The following FOCAD variants were observed in gnomAD, a reference collection of about 807,000 sequenced individuals.
FOCAD encodes the protein focadhesin.
Under a neutral mutation model 225.6 loss-of-function variants are expected in FOCAD, and 198 were observed. The ratio of observed to expected loss-of-function variants is 0.88; its 90% CI spans 0.78 to 0.99. The LOEUF (loss-of-function observed/expected upper bound fraction) is 0.99. Among genes scored for constraint, FOCAD ranks in the 50% least tolerant of loss-of-function variants. The pLI is 0.00. For synonymous variants in FOCAD, 897 were observed against 755.0 expected (o/e 1.19, Z -3.08); for missense variants, 2,713 against 2,123.6 (o/e 1.28, Z -5.46).
intron 35 of FOCAD, among the ~76,000 whole-genome samples, chr9:20,966,554 T>C (rs1839274222): frequency 6.6e-6 from 1 of 152,156 alleles, no homozygotes; most frequent in Non-Finnish European, 1.5e-5. Flanking sequence ...CTTTTGTTGC[T>C]CAGGTTTTTA....
chr9:20,683,459 C>T (rs557108966), upstream of FOCAD: 7 of 152,270 alleles, frequency 4.6e-5, no homozygotes, highest in African/African-American at 1.2e-4. Context: ...ACCAGTCTCT[C>T]CTCGTTTTTT....
intron 11 of FOCAD, among the ~76,000 whole-genome samples, chr9:20,818,193 T>A (rs768788299): frequency 2.0e-5 from 3 of 152,184 alleles, no homozygotes; most frequent in Non-Finnish European, 4.4e-5. Flanking sequence ...GAAAGGTGTA[T>A]TCAGATCCTT....
chr9:20,836,606 C>T (rs1826014420), intron 15 of FOCAD, among the ~76,000 whole-genome samples: 1 of 152,022 alleles, frequency 6.6e-6, no homozygotes, highest in African/African-American at 2.4e-5. Flanking sequence ...TTATATACTA[C>T]ACAATGACTC....
intron 6 of FOCAD, among the ~76,000 whole-genome samples, chr9:20,764,549 C>T (rs1357588945): frequency 6.6e-6 from 1 of 152,198 alleles, no homozygotes; most frequent in African/African-American, 2.4e-5. Context: ...GCCTCCGTGC[C>T]CAGCCCAGAT....
At chr9:20,881,154 C>G (rs576105890) in intron 19 of FOCAD, among the ~76,000 whole-genome samples, 15 of 152,226 alleles carry the variant, frequency 9.9e-5, no homozygotes, top group African/African-American at 3.4e-4. Flanking sequence ...TCTGAAAACA[C>G]TTAAATGATA....
Position 20,923,754 on chromosome 9 carries a change from G to A in FOCAD, c.2947G>A (p.Asp983Asn). The A allele has an allele frequency of 1.2e-6, 2 of 1,613,678 alleles. No individual in the cohort carries two copies. Among genetic ancestry groups the A allele is most frequent in the Non-Finnish European group, 1.7e-6 (2 of 1,179,682 alleles). ...RHEASLSSDS[D>N]GLLEVQPNFL... ...TGAAGCCAGCCTCTCCTCAGACTCT[G>A]ACGGGCTCCTGGAGGTTAGTTGGGG... Residue 983 changes from aspartate (D) to asparagine (N), a missense_variant, in exon 25 of 44, where the codon GAC becomes AAC. Asp to Asn is a conservative substitution (Grantham distance 23, BLOSUM62 1). Coordinates refer to ENST00000338382, the MANE Select transcript of FOCAD (RefSeq NM_001375567.1).
intron 4 of FOCAD, among the ~76,000 whole-genome samples, chr9:20,721,393 A>C (rs147443110): frequency 1.8e-3 from 281 of 152,192 alleles, no homozygotes; most frequent in Non-Finnish European, 3.1e-3. Context: ...GATGGAGTAC[A>C]GCTGTAATTA....
chr9:20,904,470 C>T (rs948998193), intron 21 of FOCAD, among the ~76,000 whole-genome samples: 18 of 151,942 alleles, frequency 1.2e-4, no homozygotes, highest in Admixed American at 3.3e-4. Flanking sequence ...CCTATTTAAC[C>T]CTGTAACCTT....
At chr9:20,993,215 AT>A (rs758040121) in intron 42 of FOCAD, 37 bp from the exon 43 acceptor site, 13 of 1,526,018 alleles carry the variant, frequency 8.5e-6, no homozygotes, top group Admixed American at 1.7e-5. Flanking sequence ...TGATGGTAGG[AT>A]TCTCTTCTTT....
At position 20,976,521 on chromosome 9, in the gene FOCAD, C is replaced by G; in HGVS notation, c.4234C>G (p.Leu1412Val). ...TCCTCCTGTGAACTGGGCTGCACTT[C>G]TCTCTCCACTTATGAGGCTAAATTT... is the stretch of plus-strand genomic sequence containing the variant. The part of the protein sequence containing the change: ...QYPPVNWAAL[L>V]SPLMRLNFGE... The change falls in exon 36 of 44, where the codon CTC becomes GTC. Residue 1412 changes from leucine (L) to valine (V), a missense_variant. Physicochemically the swap from Leu to Val is conservative, Grantham distance 32. Coordinates refer to ENST00000338382, the MANE Select transcript of FOCAD (RefSeq NM_001375567.1). 4 of 1,613,210 alleles carry G rather than the reference C, an allele frequency of 2.5e-6. No individual in the cohort carries two copies. The highest frequency in any genetic ancestry group is 2.5e-6 in the Non-Finnish European group (3 of 1,179,304).
Position 20,729,396 on chromosome 9 carries a change from G to T in FOCAD, c.287+8862G>T, listed in dbSNP as rs191338115. Among the ~76,000 whole-genome samples, 225 of 152,226 alleles carry T rather than the reference G, an allele frequency of 1.5e-3. 1 individual carries two copies. Among genetic ancestry groups the T allele is most frequent in the African/African-American group, 5.2e-3 (214 of 41,544 alleles). ...TCTTTGTCTCCAATACAGTATCCCTGTACTTTCTCTATAAGGATACCGGTT... is the reference window on the plus strand; with the variant it reads ...TCTTTGTCTCCAATACAGTATCCCTTTACTTTCTCTATAAGGATACCGGTT... On this transcript the variant is annotated intron_variant, in intron 4 of 43. Transcript: ENST00000338382.
At chr9:20,684,166 G>A (rs1294763603), upstream of FOCAD, 1 of 152,208 alleles carries the variant, frequency 6.6e-6, no homozygotes, top group Non-Finnish European at 1.5e-5. Flanking sequence ...GCCGGAGGAG[G>A]CGGAACAGGG....
intron 42 of FOCAD, among the ~76,000 whole-genome samples, chr9:20,991,870 C>CTGGG (rs1841706411): frequency 6.7e-6 from 1 of 150,206 alleles, no homozygotes; most frequent in Non-Finnish European, 1.5e-5. Flanking sequence ...TATTTCTGGA[C>CTGGG]TGGGATACCA....
At chr9:20,875,845 G>A (rs1181627410) in intron 19 of FOCAD, 1 of 152,072 alleles carries the variant, frequency 6.6e-6, no homozygotes, top group African/African-American at 2.4e-5. Context: ...TTGTGATTAA[G>A]TAGCTTTTCT....
intron 7 of FOCAD, among the ~76,000 whole-genome samples, chr9:20,768,622 G>T (rs1817842087): frequency 6.6e-6 from 1 of 151,990 alleles, no homozygotes; most frequent in Admixed American, 6.6e-5. Flanking sequence ...GATTTGATGT[G>T]GTCTTACTTA....
At chr9:20,943,773 C>T (rs895685636) in intron 28 of FOCAD, among the ~76,000 whole-genome samples, 1 of 152,112 alleles carries the variant, frequency 6.6e-6, no homozygotes, top group African/African-American at 2.4e-5. Flanking sequence ...AGGGTGATTT[C>T]TGAAAAAACA....
In FOCAD at chr9:20,813,723, A is replaced by G. The variant is rs78113080; in HGVS notation, c.1456-6073A>G. 4.3e-3 allele frequency among the ~76,000 whole-genome samples: 649 copies of G among 152,256 alleles called. 6 individuals are homozygous for G. Among genetic ancestry groups the G allele is most frequent in the African/African-American group, 0.015 (627 of 41,548 alleles). On this transcript the variant is annotated intron_variant, in intron 11 of 43. Coordinates refer to ENST00000338382, the MANE Select transcript of FOCAD (RefSeq NM_001375567.1). ...CTGTTGCTGTTGGGTAGAACGTTCTATGTGAGTTTGTTAGGACCATTTGGT... is the reference window on the plus strand; with the variant it reads ...CTGTTGCTGTTGGGTAGAACGTTCTGTGTGAGTTTGTTAGGACCATTTGGT...
At chr9:20,784,926 C>T (rs906509713) in intron 10 of FOCAD, among the ~76,000 whole-genome samples, 17 of 150,626 alleles carry the variant, frequency 1.1e-4, no homozygotes, top group Non-Finnish European at 2.1e-4. Flanking sequence ...TCTTTTCTTT[C>T]TTTCTTTTTT....
At chr9:20,941,484 A>G (rs374133019) in intron 28 of FOCAD, among the ~76,000 whole-genome samples, 1 of 152,218 alleles carries the variant, frequency 6.6e-6, no homozygotes, top group Non-Finnish European at 1.5e-5. Context: ...AGGATTGCCT[A>G]CAGTAAACTA....
Sources: allele counts gnomAD v4.1 joint callset (sites outside exome capture counted in the v4.1 genomes callset), GRCh38; gene constraint gnomAD v4.1.1; transcripts MANE v1.5; gene names NCBI Gene and HGNC (gene_info 2026-07-23, HGNC 2026-07-21).